The following SNX13 variants were observed in gnomAD, a reference collection of about 807,000 sequenced individuals.
SNX13 encodes sorting nexin-13.
In SNX13, 45 loss-of-function variants were observed where a neutral mutation model predicts 133.6. The ratio of observed to expected loss-of-function variants is 0.34; its 90% CI spans 0.27 to 0.43. The LOEUF (loss-of-function observed/expected upper bound fraction) is 0.43, where lower values mean the gene tolerates loss of function less well. SNX13 is among the 20% of genes least tolerant of loss of function. SNX13 has a pLI of 1.00. For synonymous variants in SNX13, 414 were observed against 373.9 expected, an observed-to-expected ratio of 1.11 and a Z score of -1.24; for missense variants, 1,032 against 1,145.1, an observed-to-expected ratio of 0.90 and a Z score of 1.43.
intron 1 of SNX13, among the ~76,000 whole-genome samples, chr7:17,925,314 T>C (rs1245824686): frequency 6.6e-6 from 1 of 152,014 alleles, no homozygotes; most frequent in African/African-American, 2.4e-5. Context: ...CAGTTTGGAG[T>C]AATGAGGTAC....
At chr7:17,801,831 A>T (rs546350008) in intron 21 of SNX13, among the ~76,000 whole-genome samples, 172 bp from the exon 22 acceptor site, 1 of 152,068 alleles carries the variant, frequency 6.6e-6, no homozygotes, top group Non-Finnish European at 1.5e-5. Context: ...TAATTATTTC[A>T]TTACTAAAAG....
intron 16 of SNX13, among the ~76,000 whole-genome samples, chr7:17,829,781 G>A (rs953566750): frequency 6.6e-6 from 1 of 151,064 alleles, no homozygotes; most frequent in South Asian, 2.1e-4. Flanking sequence ...AATTATGCAG[G>A]TATAACCTAA....
In SNX13 at chr7:17,872,551, T is replaced by C. The variant is rs537090517; in HGVS notation, c.753+977A>G. 3.3e-5 allele frequency among the ~76,000 whole-genome samples: 5 copies of C among 152,294 alleles called. 1 individual carries two copies. Among genetic ancestry groups the C allele is most frequent in the Admixed American group, 1.3e-4 (2 of 15,296 alleles). ...GCCCAAATAATTGGCCTTAACAATATACAGTTAATGTATCAGGCTCCTCCC... is the reference window on the plus strand; with the variant it reads ...GCCCAAATAATTGGCCTTAACAATACACAGTTAATGTATCAGGCTCCTCCC... On this transcript the variant is annotated intron_variant, in intron 8 of 25. Transcript: ENST00000428135.
At chr7:17,825,230 C>A (rs542700646) in intron 17 of SNX13, among the ~76,000 whole-genome samples, 104 of 150,932 alleles carry the variant, frequency 6.9e-4, no homozygotes, top group African/African-American at 2.4e-3. Context: ...TAAAAAGATA[C>A]AAGTTAATGT....
At position 17,940,448 on chromosome 7, in the gene SNX13, C is replaced by T. The variant is rs1289252666; in HGVS notation, c.-153G>A. On this transcript the variant is annotated 5_prime_UTR_variant, in exon 1 of 26. Transcript: ENST00000428135. ...GTTTTACTCGGCTTCGCTGGCCTCC[C>T]CTCGGCCCGGTCGCTCGCGACGGAC... 1.2e-5 allele frequency: 10 copies of T among 841,646 alleles called. No homozygotes were observed. In the African/African-American group the frequency reaches 1.7e-4, roughly 14 times the overall value. The allele number at this position is 841,646 out of a possible 1,614,324, so 52.1% of individuals were successfully genotyped here. A position where few individuals can be genotyped will look rare whatever the true frequency, so the allele number is the denominator to read the frequency against.
chr7:17,873,391 A>C (rs1310550702), intron 8 of SNX13, 137 bp downstream of exon 8: 1 of 439,810 alleles, frequency 2.3e-6, no homozygotes, highest in Non-Finnish European at 4.0e-6. Flanking sequence ...AATATTTTAA[A>C]GAAAACTCAC....
chr7:17,857,830 G>A (rs62446885), intron 9 of SNX13, among the ~76,000 whole-genome samples: 43 of 152,060 alleles, frequency 2.8e-4, no homozygotes, highest in Non-Finnish European at 5.1e-4. Flanking sequence ...TATTCACCAT[G>A]ATTAAGTGGG....
chr7:17,911,845 G>A (rs1799020603), intron 1 of SNX13, among the ~76,000 whole-genome samples: 1 of 151,618 alleles, frequency 6.6e-6, no homozygotes, highest in Non-Finnish European at 1.5e-5. Flanking sequence ...TTTAAAAAGA[G>A]AGAGAGAATC....
chr7:17,802,121 T>C (rs1331263883), intron 21 of SNX13, among the ~76,000 whole-genome samples: 1 of 152,076 alleles, frequency 6.6e-6, no homozygotes, highest in South Asian at 2.1e-4. Flanking sequence ...TACAGTAGCA[T>C]ACTGTAAAGG....
intron 1 of SNX13, among the ~76,000 whole-genome samples, chr7:17,927,050 T>G (rs1013857165): frequency 6.6e-6 from 1 of 152,108 alleles, no homozygotes; most frequent in Non-Finnish European, 1.5e-5. Context: ...TTTTCACCTA[T>G]GTAATAAGCA....
At chr7:17,850,523 AC>A (rs1212717035) in intron 10 of SNX13, 88 bp from the exon 11 acceptor site, 2 of 745,136 alleles carry the variant, frequency 2.7e-6, no homozygotes, top group East Asian at 5.9e-5. Flanking sequence ...TAACAAAATA[AC>A]CAATAATACA....
At chr7:17,890,714 A>T (rs989019890) in intron 4 of SNX13, among the ~76,000 whole-genome samples, 7 of 151,934 alleles carry the variant, frequency 4.6e-5, no homozygotes. Flanking sequence ...GATTTAAAAA[A>T]AAAAATAAAA....
At chr7:17,925,608 G>T (rs1390032599) in intron 1 of SNX13, among the ~76,000 whole-genome samples, 1 of 152,162 alleles carries the variant, frequency 6.6e-6, no homozygotes, top group Non-Finnish European at 1.5e-5. Flanking sequence ...TAGTGCAGTG[G>T]TTCTCAGCCA....
At chr7:17,904,611 T>G (rs934365313) in intron 1 of SNX13, among the ~76,000 whole-genome samples, 1 of 152,154 alleles carries the variant, frequency 6.6e-6, no homozygotes, top group Non-Finnish European at 1.5e-5. Flanking sequence ...CTCACTAGAA[T>G]GGGGTCAACC....
chr7:17,793,356 A>T lies in SNX13; in HGVS notation c.*689T>A, dbSNP rs1583427080. 5 of 152,296 alleles carry T rather than the reference A, an allele frequency of 3.3e-5. No individual in the cohort carries two copies. Among genetic ancestry groups the T allele is most frequent in the Admixed American group, 3.3e-4 (5 of 15,230 alleles). The allele number at this position is 152,296 out of a possible 1,614,324, so 9.4% of individuals were successfully genotyped here. On this transcript the variant is annotated 3_prime_UTR_variant, in exon 26 of 26. Coordinates refer to ENST00000428135, the MANE Select transcript of SNX13 (RefSeq NM_015132.5). ...ATTGAGTACCCTAAGAGCAAAACACAGCCCTTAAAGCACACATAAGAATAA... is the reference window on the plus strand; with the variant it reads ...ATTGAGTACCCTAAGAGCAAAACACTGCCCTTAAAGCACACATAAGAATAA...
At chr7:17,875,420 G>T in intron 7 of SNX13, 60 bp downstream of exon 7, 3 of 1,387,230 alleles carry the variant, frequency 2.2e-6, no homozygotes, top group Non-Finnish European at 2.0e-6. Flanking sequence ...TTTTTCACTG[G>T]TTCTGCTAAC....
At chr7:17,797,356 C>T (rs1784162972) in intron 24 of SNX13, among the ~76,000 whole-genome samples, 1 of 151,822 alleles carries the variant, frequency 6.6e-6, no homozygotes, top group Admixed American at 6.6e-5. Flanking sequence ...CATCCCACTC[C>T]TCTTATAATT....
intron 12 of SNX13, among the ~76,000 whole-genome samples, chr7:17,844,107 A>G (rs994095420): frequency 1.3e-5 from 2 of 151,940 alleles, no homozygotes; most frequent in Non-Finnish European, 2.9e-5. Flanking sequence ...GAACAGAAAA[A>G]CAATAGTAAA....
chr7:17,841,223 G>A (rs1471085623), intron 12 of SNX13, among the ~76,000 whole-genome samples: 1 of 152,022 alleles, frequency 6.6e-6, no homozygotes, highest in Non-Finnish European at 1.5e-5. Flanking sequence ...TAACAAGCAA[G>A]AGATTTAGAA....
Sources: allele counts gnomAD v4.1 joint callset (sites outside exome capture counted in the v4.1 genomes callset), GRCh38; gene constraint gnomAD v4.1.1; transcripts MANE v1.5; gene names NCBI Gene and HGNC (gene_info 2026-07-23, HGNC 2026-07-21).